The following OR10J1 variants were observed in gnomAD, a reference collection of about 807,000 sequenced individuals.
OR10J1 encodes the protein olfactory receptor 10J1.
For synonymous variants in OR10J1, 202 were observed against 143.8 expected, an observed-to-expected ratio of 1.40 and a Z score of -2.89; for missense variants, 474 against 376.6, an observed-to-expected ratio of 1.26 and a Z score of -2.14.
the OR10J1 span, chr1:159,432,309 T>C: frequency 5.0e-6 from 2 of 401,130 alleles, no homozygotes; most frequent in Non-Finnish European, 8.8e-6. Context: ...TTTGGTCTTG[T>C]ACGTTTTGAC....
At chr1:159,427,401 C>T in the OR10J1 span, among the ~76,000 whole-genome samples, 5 of 151,448 alleles carry the variant, frequency 3.3e-5, no homozygotes, top group East Asian at 5.8e-4. Flanking sequence ...AGAAATGAAA[C>T]CCCTAACAGC....
the OR10J1 span, among the ~76,000 whole-genome samples, chr1:159,421,097 T>C: frequency 3.3e-5 from 5 of 152,144 alleles, no homozygotes; most frequent in Non-Finnish European, 7.4e-5. Context: ...TCTTTTTTAT[T>C]CTTTTAAAAA....
the OR10J1 span, among the ~76,000 whole-genome samples, chr1:159,413,932 C>G: frequency 1.3e-5 from 2 of 151,822 alleles, no homozygotes; most frequent in Non-Finnish European, 2.9e-5. Context: ...GTATAGTTCA[C>G]ACTTATTTAA....
At chr1:159,425,268 C>G in the OR10J1 span, among the ~76,000 whole-genome samples, 1 of 152,000 alleles carries the variant, frequency 6.6e-6, no homozygotes, top group African/African-American at 2.4e-5. Context: ...GAAACTAACA[C>G]AGGTGAGAGA....
chr1:159,413,247 T>C, the OR10J1 span, among the ~76,000 whole-genome samples: 1 of 152,144 alleles, frequency 6.6e-6, no homozygotes, highest in South Asian at 2.1e-4. Context: ...GGTGGGACTG[T>C]AAACTAGTTC....
At chr1:159,429,969 T>A in the OR10J1 span, among the ~76,000 whole-genome samples, 1 of 152,140 alleles carries the variant, frequency 6.6e-6, no homozygotes, top group South Asian at 2.1e-4. Flanking sequence ...GAATCCTGAA[T>A]AAGCCTCCAT....
the OR10J1 span, chr1:159,406,330 A>G: frequency 1.8e-5 from 9 of 492,838 alleles, no homozygotes; most frequent in Non-Finnish European, 3.7e-5. Flanking sequence ...ACCTTCAAAG[A>G]AGAGCTCAGT....
chr1:159,435,721 G>C (rs1655719003), upstream of OR10J1, among the ~76,000 whole-genome samples: 1 of 152,110 alleles, frequency 6.6e-6, no homozygotes, highest in Non-Finnish European at 1.5e-5. Flanking sequence ...TTCTTAAGAG[G>C]TCTAGACCCA....
At chr1:159,403,210 T>C in the OR10J1 span, among the ~76,000 whole-genome samples, 1 of 151,990 alleles carries the variant, frequency 6.6e-6, no homozygotes, top group African/African-American at 2.4e-5. Context: ...TGGGCAAAAA[T>C]TTCTTGAGCA....
chr1:159,399,343 G>A, the OR10J1 span, among the ~76,000 whole-genome samples: 6 of 151,914 alleles, frequency 3.9e-5, no homozygotes, highest in Non-Finnish European at 5.9e-5. Context: ...AGGCTGAGGC[G>A]GGCAGATCAC....
chr1:159,398,179 G>A, the OR10J1 span, among the ~76,000 whole-genome samples: 156 of 152,326 alleles, frequency 1.0e-3, 2 homozygotes, highest in African/African-American at 2.2e-3. Context: ...CTGCAAGAAC[G>A]GCAGCATTAT....
chr1:159,426,882 A>G, the OR10J1 span, among the ~76,000 whole-genome samples: 2 of 151,950 alleles, frequency 1.3e-5, no homozygotes, highest in Admixed American at 6.6e-5. Flanking sequence ...AGCACTTACT[A>G]TATGTTAACC....
the OR10J1 span, among the ~76,000 whole-genome samples, chr1:159,410,971 A>T: frequency 6.6e-6 from 1 of 152,134 alleles, no homozygotes; most frequent in Admixed American, 6.6e-5. Context: ...GTAGTCATTC[A>T]GGAGCAGGTT....
At chr1:159,407,254 T>C in the OR10J1 span, among the ~76,000 whole-genome samples, 1 of 152,216 alleles carries the variant, frequency 6.6e-6, no homozygotes, top group South Asian at 2.1e-4. Context: ...TAGAGTGTAA[T>C]GGGAAGCAGT....
At chr1:159,423,942 A>G in the OR10J1 span, among the ~76,000 whole-genome samples, 1 of 152,132 alleles carries the variant, frequency 6.6e-6, no homozygotes, top group Non-Finnish European at 1.5e-5. Context: ...TCTAACATTA[A>G]AAGCCACACT....
the OR10J1 span, among the ~76,000 whole-genome samples, chr1:159,424,914 C>T: frequency 1.3e-5 from 2 of 151,968 alleles, no homozygotes; most frequent in African/African-American, 2.4e-5. Context: ...TTGAAGAGTA[C>T]CATCATGTCA....
chr1:159,404,434 G>A, the OR10J1 span, among the ~76,000 whole-genome samples: 6 of 152,086 alleles, frequency 3.9e-5, no homozygotes, highest in Non-Finnish European at 8.8e-5. Context: ...GGATTCTGCA[G>A]GTTGTGCAGT....
chr1:159,397,503 G>A, the OR10J1 span, among the ~76,000 whole-genome samples: 6 of 152,216 alleles, frequency 3.9e-5, no homozygotes, highest in Admixed American at 1.3e-4. Context: ...CCTGCCCTGG[G>A]CCAGAGGGGA....
the OR10J1 span, among the ~76,000 whole-genome samples, chr1:159,407,576 T>C: frequency 6.6e-6 from 1 of 152,124 alleles, no homozygotes; most frequent in Non-Finnish European, 1.5e-5. Context: ...ATGATGATTT[T>C]AGAAAGAATT....
Sources: gnomAD v4.1 joint callset for allele counts (sites outside exome capture counted in the v4.1 genomes callset) on GRCh38, gnomAD v4.1.1 for gene constraint, MANE v1.5 for transcripts, NCBI Gene and HGNC (gene_info 2026-07-23, HGNC 2026-07-21) for gene names.